GNAS-AS1: variants seen among roughly 807,000 people sequenced by gnomAD.
The protein encoded by GNAS-AS1 is GNAS antisense RNA 1 (non-protein coding).
chr20:58,841,984 T>C lies in GNAS-AS1; in HGVS notation n.772A>G. On this transcript the variant is annotated non_coding_transcript_exon_variant, in exon 4 of 5. Transcript: ENST00000424094. The surrounding 1 kb of genome is among the most constrained non-coding windows in gnomAD (Gnocchi z 5.0). The stretch of plus-strand genomic sequence containing the variant: ...TACGCGCAGAGCTGGGGAAAGGTGT[T>C]GGATCCGGCGCCAGTCCTTGGACGA... 7.0e-6 allele frequency: 7 copies of C among 996,672 alleles called. No individual in the cohort carries two copies. The highest frequency in any genetic ancestry group is 9.1e-6 in the Non-Finnish European group (7 of 773,070). The allele number at this position is 996,672 out of a possible 1,614,324, so 61.7% of individuals were successfully genotyped here.
At chr20:58,850,397 C>T (rs2086110980) in intron 1 of GNAS-AS1, 2 of 397,292 alleles carry the variant, frequency 5.0e-6, no homozygotes, top group South Asian at 1.4e-4. Flanking sequence ...ATGAGGGTGT[C>T]GAACAGAGAC....
intron 4 of GNAS-AS1, among the ~76,000 whole-genome samples, chr20:58,822,402 C>T (rs1161724102): frequency 2.0e-5 from 3 of 152,250 alleles, no homozygotes; most frequent in East Asian, 1.9e-4. Flanking sequence ...AGGGGGCGGC[C>T]GCACCCCAGC....
rs1737892688 is a variant in GNAS-AS1 at position 58,840,026 on chromosome 20, G to A, written n.819+1911C>T. 4 of 1,528,544 alleles carry A rather than the reference G, an allele frequency of 2.6e-6. No individual in the cohort carries two copies. The highest frequency in any genetic ancestry group is 1.1e-5 in the South Asian group (1 of 89,346). The allele number at this position is 1,528,544 out of a possible 1,614,324, so 94.7% of individuals were successfully genotyped here. ...TCACCTCATAGGGTGTACCTTTCCC[G>A]GCTCCAGCAGCCAATGTGCTTCGGA... On this transcript the variant is annotated intron_variant and non_coding_transcript_variant, in intron 4 of 4. Transcript: ENST00000424094. The surrounding 1 kb of genome is among the most constrained non-coding windows in gnomAD (Gnocchi z 6.0).
At position 58,850,671 on chromosome 20, in the gene GNAS-AS1, G is replaced by C. The variant is rs1339835896; in HGVS notation, n.233C>G. The C allele has an allele frequency of 1.0e-5, 4 of 398,976 alleles. No homozygotes were observed. In the East Asian group the frequency reaches 1.1e-4, roughly 11 times the overall value. 24.7% of individuals were successfully genotyped at this position (398,976 alleles called of 1,614,324 possible). On this transcript the variant is annotated non_coding_transcript_exon_variant, in exon 1 of 5. Transcript: ENST00000424094. The stretch of plus-strand genomic sequence containing the variant: ...ATCTTCTTGCTCCTCACCTTGCCCG[G>C]CAGTGGCACCCCGTTGGCTGGGTTA...
At chr20:58,825,641 GA>G (rs2085514694) in intron 4 of GNAS-AS1, among the ~76,000 whole-genome samples, 1 of 152,218 alleles carries the variant, frequency 6.6e-6, no homozygotes, top group African/African-American at 2.4e-5. Flanking sequence ...AAGGTGGTGC[GA>G]AAATAATTGA....
intron 4 of GNAS-AS1, among the ~76,000 whole-genome samples, chr20:58,830,202 TCATCACCAC>T (rs2085545752): frequency 7.4e-6 from 1 of 135,464 alleles, no homozygotes; most frequent in African/African-American, 2.8e-5. Context: ...CACATCACCA[TCATCACCAC>T]CACCACCACA....
chr20:58,847,920 T>A (rs571068720), intron 2 of GNAS-AS1, among the ~76,000 whole-genome samples: 52 of 152,326 alleles, frequency 3.4e-4, no homozygotes, highest in African/African-American at 1.1e-3. Flanking sequence ...ACATATGCCA[T>A]GAAAGCATCA....
intron 4 of GNAS-AS1, chr20:58,839,107 C>T (rs1281627845): frequency 1.3e-5 from 5 of 398,366 alleles, no homozygotes; most frequent in Admixed American, 4.4e-5. Flanking sequence ...TCAGCTCAAT[C>T]GAGCTCAGGG....
At chr20:58,830,628 A>C (rs944110173) in intron 4 of GNAS-AS1, among the ~76,000 whole-genome samples, 1 of 123,472 alleles carries the variant, frequency 8.1e-6, no homozygotes, top group Non-Finnish European at 1.7e-5. Flanking sequence ...CACCATCACC[A>C]CCACCGCCAC....
chr20:58,830,428 ACACCACCATCATTAC>A (rs2085553327), intron 4 of GNAS-AS1, among the ~76,000 whole-genome samples: 1 of 119,892 alleles, frequency 8.3e-6, no homozygotes, highest in Non-Finnish European at 1.7e-5. Context: ...CACCACCGCC[ACACCACCATCATTAC>A]CACCACCACC....
rs930403342 is a variant in GNAS-AS1 at position 58,841,991 on chromosome 20, G to A, written n.765C>T. 2.1e-6 allele frequency: 2 copies of A among 954,144 alleles called. No homozygotes were observed. Among genetic ancestry groups the A allele is most frequent in the Non-Finnish European group, 2.7e-6 (2 of 734,194 alleles). The allele number at this position is 954,144 out of a possible 1,614,324, so 59.1% of individuals were successfully genotyped here. Reference sequence around the variant, plus strand: ...AGAGCTGGGGAAAGGTGTTGGATCCGGCGCCAGTCCTTGGACGATCAGTCG... The same window carrying A: ...AGAGCTGGGGAAAGGTGTTGGATCCAGCGCCAGTCCTTGGACGATCAGTCG... On this transcript the variant is annotated non_coding_transcript_exon_variant, in exon 4 of 5. Coordinates refer to ENST00000424094, the Ensembl canonical transcript of GNAS-AS1. This position sits in a 1 kb window ranked among gnomAD's most constrained non-coding sequence, Gnocchi z 5.0.
Position 58,838,582 on chromosome 20 carries a change from T to C in GNAS-AS1, n.819+3355A>G, listed in dbSNP as rs961575299. On this transcript the variant is annotated intron_variant and non_coding_transcript_variant, in intron 4 of 4. Transcript: ENST00000424094. ...AGCACCTAAAACACAGCTTGGCACATGCAAGGCACCCAATGAGTATTGCTG... is the reference window on the plus strand; with the variant it reads ...AGCACCTAAAACACAGCTTGGCACACGCAAGGCACCCAATGAGTATTGCTG... 7 of 158,264 alleles carry C rather than the reference T, an allele frequency of 4.4e-5. No individual in the cohort carries two copies. In the East Asian group the frequency reaches 1.3e-3, roughly 29 times the overall value. 9.8% of individuals were successfully genotyped at this position (158,264 alleles called of 1,614,324 possible). A position where few individuals can be genotyped will look rare whatever the true frequency, so the allele number is the denominator to read the frequency against.
At chr20:58,842,052 C>T (rs2085754837) in exon 4 of GNAS-AS1, 1 of 509,328 alleles carries the variant, frequency 2.0e-6, no homozygotes, top group Admixed American at 4.4e-5. Flanking sequence ...CTCCGGCAGC[C>T]TTGGGGAGGG....
chr20:58,829,352 T>G (rs2085540241), intron 4 of GNAS-AS1, among the ~76,000 whole-genome samples: 1 of 152,198 alleles, frequency 6.6e-6, no homozygotes, highest in Non-Finnish European at 1.5e-5. Context: ...TCAAATTCCA[T>G]CCCCGTACTC....
chr20:58,827,224 T>C (rs1328831993), intron 4 of GNAS-AS1, among the ~76,000 whole-genome samples: 2 of 152,180 alleles, frequency 1.3e-5, no homozygotes, highest in African/African-American at 2.4e-5. Flanking sequence ...GCCAAGGTCA[T>C]GGGCCTCAGA....
chr20:58,823,808 G>A (rs893308584), intron 4 of GNAS-AS1, among the ~76,000 whole-genome samples: 2 of 152,240 alleles, frequency 1.3e-5, no homozygotes, highest in Non-Finnish European at 2.9e-5. Context: ...CAAAAGATGA[G>A]TGGTCGCTTT....
intron 4 of GNAS-AS1, chr20:58,836,369 CT>C (rs1311641893): frequency 2.0e-5 from 3 of 152,224 alleles, no homozygotes; most frequent in African/African-American, 7.2e-5. Context: ...ATTTTGCCCT[CT>C]AGAGCCATAT....
chr20:58,850,582 T>C (rs2086118364), exon 1 of GNAS-AS1: 2 of 398,842 alleles, frequency 5.0e-6, no homozygotes, highest in Middle Eastern at 6.2e-4. Flanking sequence ...TTATCCATCC[T>C]GGGCTGCTCC....
intron 4 of GNAS-AS1, chr20:58,819,388 T>G: frequency 2.4e-4 from 94 of 395,748 alleles, no homozygotes; most frequent in East Asian, 5.7e-4. Flanking sequence ...ACTTGATATC[T>G]TGCTTCCAAC....
Sources: allele counts gnomAD v4.1 joint callset (sites outside exome capture counted in the v4.1 genomes callset), GRCh38; gene constraint gnomAD v4.1.1; non-coding constraint Gnocchi (gnomAD v3.1); transcripts MANE v1.5; gene names NCBI Gene and HGNC (gene_info 2026-07-23, HGNC 2026-07-21).